DOCK6: variants seen among roughly 807,000 people sequenced by gnomAD.
DOCK6 encodes the protein dedicator of cytokinesis protein 6.
A neutral mutation model predicts 230.3 loss-of-function variants in DOCK6; 167 were observed. The ratio of observed to expected loss-of-function variants is 0.73; its 90% CI spans 0.64 to 0.82. The LOEUF (loss-of-function observed/expected upper bound fraction) is 0.82, where lower values mean the gene tolerates loss of function less well. Ranked by LOEUF, DOCK6 falls within the 40% of genes least tolerant of loss-of-function variation. The pLI is 0.00. For synonymous variants in DOCK6, 1,148 were observed against 1,185.0 expected (o/e 0.97, Z 0.64); for missense variants, 2,598 against 2,825.8 (o/e 0.92, Z 1.83).
chr19:11,229,133 G>T, intron 22 of DOCK6, 98 bp from the exon 23 acceptor site: 1 of 1,327,660 alleles, frequency 7.5e-7, no homozygotes, highest in Non-Finnish European at 1.0e-6. Context: ...GAGGGCTCGG[G>T]GTTAGTGCAG....
chr19:11,227,760 G>A (rs2147800261), intron 23 of DOCK6, among the ~76,000 whole-genome samples: 1 of 152,184 alleles, frequency 6.6e-6, no homozygotes, highest in African/African-American at 2.4e-5. Flanking sequence ...AAAGCCGTGG[G>A]CAGATCCTGT....
chr19:11,238,127 G>A lies in DOCK6; in HGVS notation c.1762-12C>T, dbSNP rs2079880610. ...TTGCCAAAGATGACCTGGGAGAGTGGATTCATGAGGGACCCATGGGGGATG... is the reference window on the plus strand; with the variant it reads ...TTGCCAAAGATGACCTGGGAGAGTGAATTCATGAGGGACCCATGGGGGATG... On this transcript the variant is annotated splice_polypyrimidine_tract_variant and intron_variant, in intron 15 of 47. Coordinates refer to ENST00000294618, the MANE Select transcript of DOCK6 (RefSeq NM_020812.4). 1 of 1,613,824 alleles carries A rather than the reference G, an allele frequency of 6.2e-7. No individual in the cohort carries two copies. Among genetic ancestry groups the A allele is most frequent in the Admixed American group, 1.7e-5 (1 of 59,992 alleles).
rs181445987 is a variant in DOCK6, at chr19:11,250,951, C to A, written c.643G>T (p.Val215Leu). The part of the protein sequence containing the change: ...SLLERAAPED[V>L]DRRNETLRRQ... ...CGAAGGGTTTCATTGCGCCGGTCCACATCTTCTGGGGCCGCCCGCTCTAGC... is the reference window on the plus strand; with the variant it reads ...CGAAGGGTTTCATTGCGCCGGTCCAAATCTTCTGGGGCCGCCCGCTCTAGC... Residue 215 changes from valine to leucine, a missense_variant, in exon 6 of 48, where the codon GTG becomes TTG. Coordinates refer to ENST00000294618, the MANE Select transcript of DOCK6 (RefSeq NM_020812.4). The A allele has an allele frequency of 1.9e-6, 3 of 1,613,754 alleles. No homozygotes were observed. The African/African-American group carries it at 4.0e-5, about 22-fold the overall frequency.
At chr19:11,249,444 G>A (rs2080083619) in intron 6 of DOCK6, among the ~76,000 whole-genome samples, 1 of 151,978 alleles carries the variant, frequency 6.6e-6, no homozygotes, top group Non-Finnish European at 1.5e-5. Flanking sequence ...CTGGGAGGTG[G>A]AGGTTGCAGT....
In DOCK6 at chr19:11,217,245, G is replaced by C; in HGVS notation, c.3697C>G (p.Gln1233Glu). 1.2e-6 allele frequency: 2 copies of C among 1,612,614 alleles called. No individual in the cohort carries two copies. Among genetic ancestry groups the C allele is most frequent in the Non-Finnish European group, 1.7e-6 (2 of 1,179,472 alleles). ...TCCCTACTCACCGTTGGTGGCCCCT[G>C]GGAGATGCTGGCCCGGGAGCCAGGG... ...LAPGSRASIS[Q>E]GPPTASRAGC... Residue 1233 changes from glutamine (Q) to glutamate (E), a missense_variant, in exon 29 of 48, where the codon CAG becomes GAG. By Grantham distance (29) the Gln-to-Glu change is conservative. Transcript: ENST00000294618.
rs561301109 is a variant in DOCK6, at chr19:11,214,623, G to A, written c.4133C>T (p.Ala1378Val). Residue 1378 changes from alanine to valine, a missense_variant, in exon 33 of 48, where the codon GCC (alanine) becomes GTC (valine). Ala to Val is a moderately conservative substitution (Grantham distance 64). Transcript: ENST00000294618. ...DKTKDEMEHE[A>V]LVEGNLATEA... ...GGTTGCCAGGTTCCCTTCCACCAAGGCCTCGTGTTCCATTTCATCCTTGGT... is the reference window on the plus strand; with the variant it reads ...GGTTGCCAGGTTCCCTTCCACCAAGACCTCGTGTTCCATTTCATCCTTGGT... 1.2e-6 allele frequency: 2 copies of A among 1,613,802 alleles called. No individual in the cohort carries two copies. The highest frequency in any genetic ancestry group is 1.7e-6 in the Non-Finnish European group (2 of 1,179,872).
chr19:11,260,156 C>T (rs1196729410), intron 1 of DOCK6, among the ~76,000 whole-genome samples: 4 of 152,004 alleles, frequency 2.6e-5, no homozygotes, highest in Non-Finnish European at 5.9e-5. Context: ...AGCCCTGGGC[C>T]ACTCCCTCAC....
chr19:11,202,367 T>C lies in DOCK6; in HGVS notation c.5451+27A>G, dbSNP rs777149642. On this transcript the variant is annotated intron_variant, in intron 43 of 47. Transcript: ENST00000294618. This position sits in a 1 kb window ranked among gnomAD's most constrained non-coding sequence, Gnocchi z 5.3. ...ACTTGGAGTCTCTGTGAATCTAAGATTTTGGGGAAATGGTTGGGGGACCCA... is the reference window on the plus strand; with the variant it reads ...ACTTGGAGTCTCTGTGAATCTAAGACTTTGGGGAAATGGTTGGGGGACCCA... 2.5e-6 allele frequency: 4 copies of C among 1,608,322 alleles called. No individual in the cohort carries two copies. Among genetic ancestry groups the C allele is most frequent in the Admixed American group, 3.4e-5 (2 of 58,848 alleles).
rs1450783356 is a variant in DOCK6 at position 11,236,545 on chromosome 19, C to A, written c.2193G>T (p.Val731=). The A allele has an allele frequency of 6.2e-7, 1 of 1,600,696 alleles. No homozygotes were observed. The highest frequency in any genetic ancestry group is 1.7e-5 in the Admixed American group (1 of 57,634). Residue 731 remains valine (V), a synonymous_variant, in exon 20 of 48, where the codon GTG becomes GTT. Transcript: ENST00000294618. The surrounding 1 kb of genome is among the most constrained non-coding windows in gnomAD (Gnocchi z 5.2). ...DPYLDKFFTL[V]HVLEEGAFPF... ...GGAAGGCTCCCTCCTCCAGGACGTG[C>A]ACCAGGGTGAAGAATTTGTCCAGGT...
intron 24 of DOCK6, among the ~76,000 whole-genome samples, chr19:11,226,026 C>T (rs1274073873): frequency 6.6e-6 from 1 of 151,824 alleles, no homozygotes; most frequent in Non-Finnish European, 1.5e-5. Context: ...CTGGGCAACA[C>T]AGCAAGACCC....
At chr19:11,203,898 G>C in intron 41 of DOCK6, 183 bp downstream of exon 41, 1 of 728,508 alleles carries the variant, frequency 1.4e-6, no homozygotes, top group South Asian at 1.9e-5. Flanking sequence ...GATCTGGGGC[G>C]GGGGGTGGGG....
At position 11,200,229 on chromosome 19, in the gene DOCK6, A is replaced by G. The variant is rs377548969; in HGVS notation, c.6101+79T>C. 3.5e-6 allele frequency: 5 copies of G among 1,429,328 alleles called. No individual in the cohort carries two copies. In the East Asian group the frequency reaches 1.2e-4, roughly 36 times the overall value. 88.5% of individuals were successfully genotyped at this position (1,429,328 alleles called of 1,614,324 possible). A position where few individuals can be genotyped will look rare whatever the true frequency, so the allele number is the denominator to read the frequency against. Reference sequence around the variant, plus strand: ...ACATGTTGCTGTGTATGTGTACAACAGCCCCCATCCTGTACCTGTCCTGGT... The same window carrying G: ...ACATGTTGCTGTGTATGTGTACAACGGCCCCCATCCTGTACCTGTCCTGGT... On this transcript the variant is annotated intron_variant, in intron 47 of 47. Transcript: ENST00000294618. This position sits in a 1 kb window ranked among gnomAD's most constrained non-coding sequence, Gnocchi z 4.3.
chr19:11,251,368 C>T (rs2080115345), intron 5 of DOCK6: 1 of 369,680 alleles, frequency 2.7e-6, no homozygotes, highest in Non-Finnish European at 5.0e-6. Flanking sequence ...CATCTACCCA[C>T]CCTAGGGACT....
chr19:11,251,769 CT>C (rs2080121050), intron 5 of DOCK6: 1 of 168,016 alleles, frequency 6.0e-6, no homozygotes, highest in Non-Finnish European at 1.3e-5. Flanking sequence ...CAACAATAAT[CT>C]TTGGAATAAT....
At position 11,200,258 on chromosome 19, in the gene DOCK6, C is replaced by A; in HGVS notation, c.6101+50G>T. The A allele has an allele frequency of 6.5e-7, 1 of 1,529,342 alleles. No individual in the cohort carries two copies. The highest frequency in any genetic ancestry group is 8.8e-7 in the Non-Finnish European group (1 of 1,135,036). The allele number at this position is 1,529,342 out of a possible 1,614,324, so 94.7% of individuals were successfully genotyped here. ...CCCATCCTGTACCTGTCCTGGTCTG[C>A]CTCTGCATCCCCTCTCTAGTCTCTA... On this transcript the variant is annotated intron_variant, in intron 47 of 47. Transcript: ENST00000294618. This position sits in a 1 kb window ranked among gnomAD's most constrained non-coding sequence, Gnocchi z 4.3.
At chr19:11,214,765 T>A (rs2079453030) in intron 32 of DOCK6, 116 bp from the exon 33 acceptor site, 2 of 930,288 alleles carry the variant, frequency 2.1e-6, no homozygotes, top group Admixed American at 5.1e-5. Context: ...AGCTGTTCTG[T>A]TTTTTGTTTT....
At chr19:11,204,429 C>T in intron 39 of DOCK6, 98 bp from the exon 40 acceptor site, 1 of 1,482,104 alleles carries the variant, frequency 6.7e-7, no homozygotes, top group Non-Finnish European at 9.0e-7. Flanking sequence ...TGCTCCTACC[C>T]ACCCTCCATC....
chr19:11,245,899 G>A (rs1445049689), intron 7 of DOCK6, 21 bp from the exon 8 acceptor site: 4 of 1,553,980 alleles, frequency 2.6e-6, no homozygotes, highest in Admixed American at 3.9e-5. Flanking sequence ...ATGGGAGGGA[G>A]GGGGCTCTCC....
intron 21 of DOCK6, 125 bp downstream of exon 21, chr19:11,235,473 A>G (rs1478933326): frequency 1.0e-6 from 1 of 971,732 alleles, no homozygotes; most frequent in Non-Finnish European, 1.5e-6. Context: ...TTGATCTCGA[A>G]CTCCTGACCT....
Sources: allele counts gnomAD v4.1 joint callset (sites outside exome capture counted in the v4.1 genomes callset), GRCh38; gene constraint gnomAD v4.1.1; non-coding constraint Gnocchi (gnomAD v3.1); transcripts MANE v1.5; gene names NCBI Gene and HGNC (gene_info 2026-07-23, HGNC 2026-07-21).